FLNB: variants seen among roughly 807,000 people sequenced by gnomAD.
FLNB encodes filamin-B.
In FLNB, 111 loss-of-function variants were observed where a neutral mutation model predicts 250.6. That is an observed-to-expected ratio of 0.44 (90% confidence interval 0.38 to 0.52). The LOEUF is 0.52. FLNB is among the 20% of genes least tolerant of loss of function. The pLI, the probability that FLNB is intolerant of heterozygous loss-of-function variation, is 0.00. For synonymous variants in FLNB, 1,302 were observed against 1,372.1 expected, an observed-to-expected ratio of 0.95 and a Z score of 1.13; for missense variants, 2,869 against 3,447.8, an observed-to-expected ratio of 0.83 and a Z score of 4.20.
rs1020174780 is a variant in FLNB, at chr3:58,008,500, C to T, written c.-65C>T. 1.3e-6 allele frequency: 2 copies of T among 1,528,944 alleles called. No individual in the cohort carries two copies. The highest frequency in any genetic ancestry group is 2.3e-4 in the Middle Eastern group (1 of 4,322). 94.7% of individuals were successfully genotyped at this position (1,528,944 alleles called of 1,614,324 possible). A position where few individuals can be genotyped will look rare whatever the true frequency, so the allele number is the denominator to read the frequency against. On this transcript the variant is annotated 5_prime_UTR_variant, in exon 1 of 46. Coordinates refer to ENST00000295956, the MANE Select transcript of FLNB (RefSeq NM_001457.4). ...TCCGCTTCGGTTCTCGCTCCTTCGG[C>T]CCTTGGGCCTCCAAACACCAGTCCC...
chr3:58,149,588 A>G, intron 36 of FLNB: 1 of 537,758 alleles, frequency 1.9e-6, no homozygotes, highest in Non-Finnish European at 3.3e-6. Flanking sequence ...GGGACACATC[A>G]TCTATGGGAT....
chr3:58,043,987 C>G (rs1024804255), intron 1 of FLNB, among the ~76,000 whole-genome samples: 1 of 152,168 alleles, frequency 6.6e-6, no homozygotes, highest in Non-Finnish European at 1.5e-5. Context: ...CTGTTTTGTC[C>G]CTTCCCTCTG....
chr3:58,148,609 C>T (rs1445234883), intron 35 of FLNB, 40 bp from the exon 36 acceptor site: 15 of 1,547,998 alleles, frequency 9.7e-6, no homozygotes, highest in African/African-American at 4.1e-5. Flanking sequence ...GCTTCCTCTC[C>T]GCCATCCCCT....
chr3:58,047,805 C>A (rs1025350067), intron 1 of FLNB, among the ~76,000 whole-genome samples: 1 of 152,046 alleles, frequency 6.6e-6, no homozygotes, highest in African/African-American at 2.4e-5. Context: ...CTCAAGTGAT[C>A]CTCCTGCCTC....
intron 45 of FLNB, 30 bp from the exon 46 acceptor site, chr3:58,170,545 C>T (rs772203942): frequency 8.7e-6 from 14 of 1,605,818 alleles, no homozygotes; most frequent in Middle Eastern, 1.6e-4. Flanking sequence ...CTGATGCATC[C>T]GGGTGGAGTA....
At chr3:58,106,969 C>T in intron 12 of FLNB, 96 bp downstream of exon 12, 1 of 877,668 alleles carries the variant, frequency 1.1e-6, no homozygotes, top group East Asian at 2.6e-5. Context: ...TGAGAGATGG[C>T]AGAGAGGAAT....
intron 3 of FLNB, among the ~76,000 whole-genome samples, chr3:58,079,279 G>GGC (rs2097205778): frequency 1.4e-5 from 2 of 147,214 alleles, no homozygotes; most frequent in South Asian, 4.3e-4. Flanking sequence ...TTGAGATGGA[G>GGC]TCTCGCTTTG....
Position 58,148,361 on chromosome 3 carries a change from A to G in FLNB, c.5884A>G (p.Ile1962Val). 2 of 1,613,434 alleles carry G rather than the reference A, an allele frequency of 1.2e-6. No homozygotes were observed. The highest frequency in any genetic ancestry group is 8.5e-7 in the Non-Finnish European group (1 of 1,179,776). Reference sequence around the variant, plus strand: ...CCTGAAGAGGCTGCCCAACAACCACATTGGTGAGCTAGGCTACCCTTCCTG... The same window carrying G: ...CCTGAAGAGGCTGCCCAACAACCACGTTGGTGAGCTAGGCTACCCTTCCTG... Reference protein sequence around the residue: ...CLLKRLPNNHIGISFIPREVG... With the variant: ...CLLKRLPNNHVGISFIPREVG... Residue 1962 changes from isoleucine to valine, a missense_variant, in exon 35 of 46, where the codon ATT (isoleucine) becomes GTT (valine). Physicochemically the swap from Ile to Val is conservative, Grantham distance 29. This residue lies in a region of FLNB where 1,084 missense variants were observed against 1,315.5 expected (regional missense o/e 0.82). Transcript: ENST00000295956.
intron 1 of FLNB, among the ~76,000 whole-genome samples, chr3:58,043,689 C>T (rs1271105488): frequency 1.3e-5 from 2 of 152,162 alleles, no homozygotes; most frequent in African/African-American, 4.8e-5. Context: ...GGTCCAAACC[C>T]AGCCAGAAAG....
At chr3:58,017,668 T>C (rs181041749) in intron 1 of FLNB, among the ~76,000 whole-genome samples, 41 of 152,354 alleles carry the variant, frequency 2.7e-4, no homozygotes, top group African/African-American at 8.9e-4. Context: ...GTTCCTTTGA[T>C]AAACTGTAGA....
intron 1 of FLNB, among the ~76,000 whole-genome samples, chr3:58,025,970 A>T (rs1274167876): frequency 1.3e-5 from 2 of 152,210 alleles, no homozygotes; most frequent in Non-Finnish European, 2.9e-5. Flanking sequence ...TCTTAGGTAT[A>T]AAAGAGAAGG....
chr3:58,068,927 T>C (rs2097189965), intron 1 of FLNB, among the ~76,000 whole-genome samples: 1 of 152,000 alleles, frequency 6.6e-6, no homozygotes, highest in Non-Finnish European at 1.5e-5. Context: ...AACTGGGATG[T>C]TAAGGAGGGG....
chr3:58,056,353 G>A (rs189754461), intron 1 of FLNB, among the ~76,000 whole-genome samples: 92 of 150,740 alleles, frequency 6.1e-4, no homozygotes, highest in Non-Finnish European at 9.4e-4. Flanking sequence ...TGCCTACCTC[G>A]GGCTCCCAAA....
chr3:58,153,329 C>T, intron 38 of FLNB, 46 bp from the exon 39 acceptor site: 1 of 1,612,656 alleles, frequency 6.2e-7, no homozygotes, highest in Non-Finnish European at 8.5e-7. Flanking sequence ...GTCTCAGGCC[C>T]TTGCCCTAAC....
intron 1 of FLNB, among the ~76,000 whole-genome samples, chr3:58,028,560 C>G (rs1350774148): frequency 6.6e-6 from 1 of 150,898 alleles, no homozygotes; most frequent in Non-Finnish European, 1.5e-5. Flanking sequence ...AGTTTGAGAC[C>G]AGCCTGGGCA....
At position 58,148,250 on chromosome 3, in the gene FLNB, GA is replaced by G; in HGVS notation, c.5774del (p.Asp1925AlafsTer14). The G allele has an allele frequency of 6.2e-7, 1 of 1,614,208 alleles. No homozygotes were observed. Among genetic ancestry groups the G allele is most frequent in the Non-Finnish European group, 8.5e-7 (1 of 1,180,050 alleles). On this transcript the variant is annotated frameshift_variant, in exon 35 of 46. Coordinates refer to ENST00000295956, the MANE Select transcript of FLNB (RefSeq NM_001457.4). LOFTEE classifies it high-confidence loss of function. ...CCAGGTGAAGTTGGGCTCAGCCGCT[GA>G]CTTCCTGCTCGACATCAGTGAGACT... Reference protein sequence around the residue: ...CSQVKLGSAADFLLDISETDL... With the variant: ...CSQVKLGSAAXFLLDISETDL...
chr3:58,075,142 T>C (rs759858952), intron 1 of FLNB, among the ~76,000 whole-genome samples: 29 of 152,060 alleles, frequency 1.9e-4, no homozygotes, highest in Non-Finnish European at 3.8e-4. Flanking sequence ...ATGCTTTTCA[T>C]GTGGTCGTGG....
At chr3:58,068,036 G>A (rs1456725766) in intron 1 of FLNB, among the ~76,000 whole-genome samples, 1 of 152,232 alleles carries the variant, frequency 6.6e-6, no homozygotes, top group Non-Finnish European at 1.5e-5. Context: ...CCAGGTGACT[G>A]CGCTGTCTGG....
At chr3:58,131,364 T>C (rs565602990) in intron 25 of FLNB, among the ~76,000 whole-genome samples, 2 of 152,326 alleles carry the variant, frequency 1.3e-5, no homozygotes, top group East Asian at 3.9e-4. Flanking sequence ...ATTGTCTTAG[T>C]TCCCCAGAGA....
Sources: gnomAD v4.1 joint callset for allele counts (sites outside exome capture counted in the v4.1 genomes callset) on GRCh38, gnomAD v4.1.1 for gene constraint, gnomAD v4.1.1 regional missense constraint, MANE v1.5 for transcripts, NCBI Gene and HGNC (gene_info 2026-07-23, HGNC 2026-07-21) for gene names.